WDFY4: variants seen among roughly 807,000 people sequenced by gnomAD.
The protein encoded by WDFY4 is WDFY family member 4, also known as WD repeat- and FYVE domain-containing protein 4.
In WDFY4, 169 loss-of-function variants were observed where a neutral mutation model predicts 351.9. The observed-to-expected ratio is 0.48, with a 90% CI of 0.42 to 0.55. WDFY4 has a LOEUF of 0.55. Ranked by LOEUF, WDFY4 falls within the 20% of genes least tolerant of loss-of-function variation. WDFY4 has a pLI of 0.00. For synonymous variants in WDFY4, 1,622 were observed against 1,574.6 expected (o/e 1.03, Z -0.71); for missense variants, 3,803 against 3,935.6 (o/e 0.97, Z 0.90).
chr10:48,806,688 A>G (rs1406496079), intron 27 of WDFY4, among the ~76,000 whole-genome samples: 2 of 152,176 alleles, frequency 1.3e-5, no homozygotes, highest in East Asian at 1.9e-4. Flanking sequence ...GTCTTGTTCA[A>G]TTTGTTCCCT....
At chr10:48,902,585 C>T (rs139853848) in intron 47 of WDFY4, among the ~76,000 whole-genome samples, 28 of 151,710 alleles carry the variant, frequency 1.8e-4, no homozygotes, top group Admixed American at 1.5e-3. Context: ...GCTTGTGATA[C>T]ATGGTATTTG....
At chr10:48,710,770 A>G (rs2063748886) in intron 2 of WDFY4, among the ~76,000 whole-genome samples, 1 of 152,262 alleles carries the variant, frequency 6.6e-6, no homozygotes, top group Non-Finnish European at 1.5e-5. Context: ...CTTCACTCAC[A>G]TCCCGGTCAC....
intron 51 of WDFY4, among the ~76,000 whole-genome samples, 183 bp from the exon 52 acceptor site, chr10:48,956,946 G>A (rs1841618827): frequency 6.6e-6 from 1 of 152,216 alleles, no homozygotes; most frequent in Non-Finnish European, 1.5e-5. Context: ...AGAGACTAAT[G>A]AAGGAACCGG....
intron 1 of WDFY4, among the ~76,000 whole-genome samples, chr10:48,701,302 C>T (rs75104697): frequency 0.013 from 2,042 of 152,306 alleles, 59 homozygotes; most frequent in African/African-American, 0.046. Flanking sequence ...TCATTGATTA[C>T]ACATTCATCT....
At position 48,720,035 on chromosome 10, in the gene WDFY4, A is replaced by T. The variant is rs2064029164; in HGVS notation, c.259A>T (p.Ile87Phe). The T allele has an allele frequency of 6.4e-7, 1 of 1,551,700 alleles. No individual in the cohort carries two copies. Among genetic ancestry groups the T allele is most frequent in the Non-Finnish European group, 8.7e-7 (1 of 1,146,962 alleles). ...GGCCTGGGAACACTCCGTGGGGATC[A>T]TCTGCTTTCCCAGTCTCCAAAGGCT... ...LKAWEHSVGI[I>F]CFPSLQRLAE... The change falls in exon 3 of 62, where the codon ATC (isoleucine) becomes TTC (phenylalanine). Residue 87 changes from isoleucine (I) to phenylalanine (F), a missense_variant. By Grantham distance (21) the Ile-to-Phe change is conservative. Transcript: ENST00000325239.
chr10:48,852,529 T>A (rs965817468), intron 39 of WDFY4, among the ~76,000 whole-genome samples: 1 of 152,204 alleles, frequency 6.6e-6, no homozygotes, highest in Non-Finnish European at 1.5e-5. Context: ...TGATGTGCTC[T>A]GGGTCTGTTC....
rs373830765 is a variant in WDFY4 at position 48,856,537 on chromosome 10, G to C, written c.6664-10728G>C. Among the ~76,000 whole-genome samples, 7 of 152,092 alleles carry C rather than the reference G, an allele frequency of 4.6e-5. No individual in the cohort carries two copies. The East Asian group carries it at 1.2e-3, about 25-fold the overall frequency. On this transcript the variant is annotated intron_variant, in intron 39 of 61. Transcript: ENST00000325239. ...CTGGTGTACATGTGCAGTAAGTGCA[G>C]GTTTGTTACATAGGTATACACGTGC...
chr10:48,801,153 C>A (rs1237419985), intron 24 of WDFY4, among the ~76,000 whole-genome samples: 2 of 152,228 alleles, frequency 1.3e-5, no homozygotes, highest in Admixed American at 1.3e-4. Context: ...CTAATCCAGA[C>A]ATCTTAATAT....
At chr10:48,960,197 A>G (rs1160367672) in intron 53 of WDFY4, among the ~76,000 whole-genome samples, 1 of 152,230 alleles carries the variant, frequency 6.6e-6, no homozygotes, top group Admixed American at 6.5e-5. Context: ...AAAATTTTCC[A>G]GAACTGGGGA....
In WDFY4 at chr10:48,819,803, T is replaced by A. The variant is rs551232138; in HGVS notation, c.5506-431T>A. On this transcript the variant is annotated intron_variant, in intron 32 of 61. Coordinates refer to ENST00000325239, the MANE Select transcript of WDFY4 (RefSeq NM_001394531.1). Reference sequence around the variant, plus strand: ...TAGAGGTGGGGTCCCCATCACAAGATGGGCACCGACTCTCTCTGACTGTCT... The same window carrying A: ...TAGAGGTGGGGTCCCCATCACAAGAAGGGCACCGACTCTCTCTGACTGTCT... Among the ~76,000 whole-genome samples, 11 of 152,264 alleles carry A rather than the reference T, an allele frequency of 7.2e-5. No individual in the cohort carries two copies. The South Asian group carries it at 2.3e-3, about 32-fold the overall frequency.
intron 24 of WDFY4, among the ~76,000 whole-genome samples, chr10:48,798,633 T>C (rs2066953413): frequency 6.6e-6 from 1 of 152,224 alleles, no homozygotes; most frequent in African/African-American, 2.4e-5. Flanking sequence ...AGTGAGTCAC[T>C]GGTTTAAAAT....
At chr10:48,938,472 C>T (rs950542519) in intron 47 of WDFY4, among the ~76,000 whole-genome samples, 7 of 152,266 alleles carry the variant, frequency 4.6e-5, no homozygotes, top group African/African-American at 1.7e-4. Flanking sequence ...CCACAGGCTG[C>T]TCTGCCAGCC....
At chr10:48,738,479 G>A (rs2064745883) in intron 11 of WDFY4, among the ~76,000 whole-genome samples, 1 of 152,182 alleles carries the variant, frequency 6.6e-6, no homozygotes, top group Admixed American at 6.5e-5. Flanking sequence ...CTTCTCCCTG[G>A]GTGCCAAGTC....
chr10:48,742,851 T>C, intron 11 of WDFY4, 117 bp from the exon 12 acceptor site: 1 of 899,944 alleles, frequency 1.1e-6, no homozygotes, highest in Non-Finnish European at 1.6e-6. Context: ...TCCTGTAACT[T>C]GTTGGCCTGA....
intron 47 of WDFY4, among the ~76,000 whole-genome samples, chr10:48,923,506 A>ATATATATATATATATATATATATGTATG (rs143983467): frequency 2.3e-4 from 27 of 115,130 alleles, no homozygotes; most frequent in South Asian, 1.0e-3. Context: ...GTATATATAT[A>ATATATATATATATATATATATATGTATG]TATATATGTC....
chr10:48,944,525 C>T (rs1442154381), intron 49 of WDFY4, among the ~76,000 whole-genome samples: 2 of 152,228 alleles, frequency 1.3e-5, no homozygotes, highest in Non-Finnish European at 2.9e-5. Context: ...GTGGCTGAGC[C>T]ACTTGTTCAG....
intron 1 of WDFY4, among the ~76,000 whole-genome samples, chr10:48,698,016 GTCCTGTGCCCCAGC>G (rs1565102157): frequency 1.3e-5 from 2 of 152,106 alleles, no homozygotes; most frequent in African/African-American, 4.8e-5. Flanking sequence ...TTCTCCTACG[GTCCTGTGCCCCAGC>G]TCTTGAGATG....
At chr10:48,693,803 A>G (rs189993130) in intron 1 of WDFY4, among the ~76,000 whole-genome samples, 106 of 152,324 alleles carry the variant, frequency 7.0e-4, no homozygotes, top group Middle Eastern at 3.4e-3. Flanking sequence ...GCCAAGCTGT[A>G]TCTGAAAGTG....
intron 25 of WDFY4, chr10:48,804,817 C>T (rs1305831506): frequency 2.0e-6 from 2 of 977,256 alleles, no homozygotes; most frequent in Non-Finnish European, 2.4e-6. Flanking sequence ...TCTCCTTTGA[C>T]TTTCAGTGGC....
Sources: gnomAD v4.1 joint callset for allele counts (sites outside exome capture counted in the v4.1 genomes callset) on GRCh38, gnomAD v4.1.1 for gene constraint, MANE v1.5 for transcripts, NCBI Gene and HGNC (gene_info 2026-07-23, HGNC 2026-07-21) for gene names.